FCHO2: variants seen among roughly 807,000 people sequenced by gnomAD.
The protein encoded by FCHO2 is FCH and mu domain containing endocytic adaptor 2.
A neutral mutation model predicts 114.1 loss-of-function variants in FCHO2; 43 were observed. The observed-to-expected ratio is 0.38, with a 90% CI of 0.30 to 0.49. The LOEUF is 0.49. Among genes scored for constraint, FCHO2 ranks in the 20% least tolerant of loss-of-function variants. The pLI, the probability that FCHO2 is intolerant of heterozygous loss-of-function variation, is 0.97. For synonymous variants in FCHO2, 293 were observed against 315.2 expected, an observed-to-expected ratio of 0.93 and a Z score of 0.75; for missense variants, 807 against 950.4, an observed-to-expected ratio of 0.85 and a Z score of 1.98.
chr5:73,014,763 G>T (rs113193962), intron 6 of FCHO2, among the ~76,000 whole-genome samples: 1 of 151,504 alleles, frequency 6.6e-6, no homozygotes, highest in African/African-American at 2.4e-5. Flanking sequence ...TTCTGATCAC[G>T]ATTATAGATT....
Position 73,070,373 on chromosome 5 carries a change from C to T in FCHO2, c.1579+1594C>T, listed in dbSNP as rs575743931. On this transcript the variant is annotated intron_variant, in intron 19 of 25. Coordinates refer to ENST00000430046, the MANE Select transcript of FCHO2 (RefSeq NM_138782.3). ...ACCTTTGTGAACACAGCATTTTTCC[C>T]ATCTTTTAATTTTATATAAACTGAA... Among the ~76,000 whole-genome samples the T allele has an allele frequency of 2.6e-5, 4 of 151,402 alleles. No homozygotes were observed. In the East Asian group the frequency reaches 6.0e-4, roughly 23 times the overall value.
At chr5:72,964,323 TA>T (rs1440919468) in intron 1 of FCHO2, among the ~76,000 whole-genome samples, 1 of 152,188 alleles carries the variant, frequency 6.6e-6, no homozygotes, top group African/African-American at 2.4e-5. Context: ...AACCAACAAA[TA>T]TGTTTGAGTC....
At chr5:73,074,610 G>T (rs1742823480) in intron 19 of FCHO2, 132 bp from the exon 20 acceptor site, 1 of 749,354 alleles carries the variant, frequency 1.3e-6, no homozygotes, top group Non-Finnish European at 2.2e-6. Context: ...TTAGCCCCCA[G>T]ATTTATCATG....
chr5:72,990,517 A>C lies in FCHO2; in HGVS notation c.240A>C (p.Thr80=), dbSNP rs1753758959. 3 of 1,536,616 alleles carry C rather than the reference A, an allele frequency of 2.0e-6. No homozygotes were observed. The highest frequency in any genetic ancestry group is 2.6e-6 in the Non-Finnish European group (3 of 1,142,990). ...TATGGGATGTATTCAAAACATCTAC[A>C]GAGAAATTAGCAAATTGTCACTTGG... is the stretch of plus-strand genomic sequence containing the variant. ...APVWDVFKTS[T]EKLANCHLDL... Residue 80 remains threonine, a synonymous_variant, in exon 4 of 26, where the codon ACA becomes ACC. Transcript: ENST00000430046.
intron 5 of FCHO2, among the ~76,000 whole-genome samples, chr5:72,993,744 G>C (rs977331198): frequency 6.6e-6 from 1 of 152,276 alleles, no homozygotes; most frequent in East Asian, 1.9e-4. Context: ...GACCATTTGA[G>C]GAAGTAATGG....
chr5:73,013,075 T>G (rs1282920988), intron 6 of FCHO2, among the ~76,000 whole-genome samples: 1 of 152,230 alleles, frequency 6.6e-6, no homozygotes, highest in Non-Finnish European at 1.5e-5. Context: ...ATCCTTCTAG[T>G]AAATGCTCCT....
At chr5:72,956,579 A>T (rs911589547) in intron 1 of FCHO2, among the ~76,000 whole-genome samples, 2 of 152,082 alleles carry the variant, frequency 1.3e-5, no homozygotes, top group African/African-American at 4.8e-5. Flanking sequence ...CGGGCCCCCC[A>T]TCTGAGCGAT....
chr5:72,997,375 A>T (rs1754176787), intron 5 of FCHO2: 3 of 1,592,726 alleles, frequency 1.9e-6, no homozygotes, highest in Admixed American at 1.7e-5. Flanking sequence ...TTAAGACGAG[A>T]TACTACGGAC....
chr5:72,997,788 C>T (rs1754205294), intron 5 of FCHO2: 2 of 1,281,828 alleles, frequency 1.6e-6, no homozygotes, highest in East Asian at 3.1e-5. Flanking sequence ...AAGCCCTACA[C>T]TCCACTTGGA....
chr5:73,088,431 A>G lies in FCHO2; in HGVS notation c.*341A>G, dbSNP rs538091219. The G allele has an allele frequency of 8.6e-5, 19 of 220,036 alleles. No homozygotes were observed. Among genetic ancestry groups the G allele is most frequent in the Admixed American group, 3.1e-4 (6 of 19,242 alleles). The allele number at this position is 220,036 out of a possible 1,614,324, so 13.6% of individuals were successfully genotyped here. ...GTAATATCAGGCCTAAAGTTTCAGA[A>G]GAGCAAGCACAAAGTAATTTAGCTT... On this transcript the variant is annotated 3_prime_UTR_variant, in exon 26 of 26. Coordinates refer to ENST00000430046, the MANE Select transcript of FCHO2 (RefSeq NM_138782.3).
intron 23 of FCHO2, among the ~76,000 whole-genome samples, chr5:73,082,427 T>A (rs1295283801): frequency 6.6e-6 from 1 of 152,182 alleles, no homozygotes; most frequent in Admixed American, 6.5e-5. Context: ...TAGTATAGAC[T>A]CTAACCGCTC....
At chr5:73,086,444 A>C (rs1743313618) in intron 24 of FCHO2, among the ~76,000 whole-genome samples, 2 of 152,236 alleles carry the variant, frequency 1.3e-5, no homozygotes. Context: ...GCAGGGGATC[A>C]CAGGATCTTA....
intron 10 of FCHO2, among the ~76,000 whole-genome samples, chr5:73,038,936 T>C (rs1419866381): frequency 6.6e-6 from 1 of 152,218 alleles, no homozygotes; most frequent in Admixed American, 6.5e-5. Context: ...CCTTAAATTA[T>C]TTTTATAATG....
chr5:73,034,341 T>A (rs1756386142), intron 8 of FCHO2: 3 of 254,036 alleles, frequency 1.2e-5, no homozygotes, highest in Non-Finnish European at 2.3e-5. Flanking sequence ...TTAACAGTAC[T>A]GCCAGCTTCT....
chr5:73,011,199 G>A (rs867406903), intron 6 of FCHO2, among the ~76,000 whole-genome samples: 19 of 152,206 alleles, frequency 1.2e-4, no homozygotes, highest in Non-Finnish European at 2.1e-4. Flanking sequence ...AAATGTGAAG[G>A]CCTAGGACAT....
chr5:72,981,136 C>T (rs751393242), intron 2 of FCHO2, among the ~76,000 whole-genome samples: 77 of 152,162 alleles, frequency 5.1e-4, no homozygotes, highest in Non-Finnish European at 4.3e-4. Context: ...TAAGACTGGC[C>T]TGGTGGTGAT....
chr5:73,006,595 G>T, intron 6 of FCHO2, 46 bp downstream of exon 6: 1 of 1,244,974 alleles, frequency 8.0e-7, no homozygotes. Flanking sequence ...ATTTATATTT[G>T]TGTATATTGA....
Position 73,084,567 on chromosome 5 carries a change from A to G in FCHO2, c.2245+1742A>G, listed in dbSNP as rs115816630. 7.0e-3 allele frequency among the ~76,000 whole-genome samples: 1,061 copies of G among 152,164 alleles called. 8 individuals are homozygous for G. The highest frequency in any genetic ancestry group is 0.025 in the African/African-American group (1,037 of 41,550). The stretch of plus-strand genomic sequence containing the variant: ...AGGCATGAGCCACCATGCTCAGCCT[A>G]GTCTCCAATAACTCCTCTATTTGAT... On this transcript the variant is annotated intron_variant, in intron 24 of 25. Transcript: ENST00000430046.
intron 11 of FCHO2, among the ~76,000 whole-genome samples, chr5:73,046,716 A>G (rs1164921217): frequency 1.3e-5 from 2 of 152,222 alleles, no homozygotes; most frequent in African/African-American, 4.8e-5. Context: ...AGCAAGCAGT[A>G]GAAAGAAAGG....
Sources: gnomAD v4.1 joint callset for allele counts (sites outside exome capture counted in the v4.1 genomes callset) on GRCh38, gnomAD v4.1.1 for gene constraint, MANE v1.5 for transcripts, NCBI Gene and HGNC (gene_info 2026-07-23, HGNC 2026-07-21) for gene names.